Variants in LAMA5 observed in about 807,000 individuals in gnomAD.
LAMA5 encodes the protein laminin subunit alpha 5, also known as laminin subunit alpha-5.
In LAMA5, 260 loss-of-function variants were observed where a neutral mutation model predicts 433.4. The observed-to-expected ratio is 0.60, with a 90% CI of 0.54 to 0.66. LAMA5 has a LOEUF of 0.66. Ranked by LOEUF, LAMA5 falls within the 30% of genes least tolerant of loss-of-function variation. The pLI is 0.00. For synonymous variants in LAMA5, 2,620 were observed against 2,226.6 expected, an observed-to-expected ratio of 1.18 and a Z score of -4.97; for missense variants, 5,378 against 5,258.5, an observed-to-expected ratio of 1.02 and a Z score of -0.70.
At chr20:62,330,130 G>GAGGT (rs1980083469) in intron 31 of LAMA5, among the ~76,000 whole-genome samples, 1 of 152,244 alleles carries the variant, frequency 6.6e-6, no homozygotes, top group Non-Finnish European at 1.5e-5. Context: ...GACACCTCTA[G>GAGGT]GTACCGGTCA....
chr20:62,318,777 C>A (rs945970264), intron 52 of LAMA5, 66 bp downstream of exon 52: 4 of 1,584,266 alleles, frequency 2.5e-6, no homozygotes, highest in Non-Finnish European at 3.4e-6. Context: ...CCATGCTGAC[C>A]TCCCCCTTGG....
chr20:62,358,200 C>T (rs1004560254), intron 2 of LAMA5, among the ~76,000 whole-genome samples: 2 of 152,102 alleles, frequency 1.3e-5, no homozygotes, highest in Non-Finnish European at 2.9e-5. Flanking sequence ...GGGAGAGGAG[C>T]GGCCCCATCC....
In LAMA5 at chr20:62,316,141, G is replaced by A; in HGVS notation, c.7757-83C>T. The A allele has an allele frequency of 4.4e-6, 4 of 905,648 alleles. No individual in the cohort carries two copies. The Admixed American group carries it at 6.1e-5, about 14-fold the overall frequency. The allele number at this position is 905,648 out of a possible 1,614,324, so 56.1% of individuals were successfully genotyped here. A position where few individuals can be genotyped will look rare whatever the true frequency, so the allele number is the denominator to read the frequency against. On this transcript the variant is annotated intron_variant, in intron 57 of 79. Coordinates refer to ENST00000252999, the MANE Select transcript of LAMA5 (RefSeq NM_005560.6). ...CCCACCTCCACCCTTCTGACCCCAG[G>A]AGGACCAAGGCTGACACACAGCAGA... is the stretch of plus-strand genomic sequence containing the variant.
chr20:62,328,717 T>C (rs1979774903), intron 34 of LAMA5, 127 bp downstream of exon 34: 1 of 965,938 alleles, frequency 1.0e-6, no homozygotes, highest in Admixed American at 2.9e-5. Context: ...GGCCCGCAGA[T>C]GGGGCAGCAA....
intron 62 of LAMA5, 49 bp downstream of exon 62, chr20:62,314,255 C>A: frequency 6.3e-7 from 1 of 1,590,180 alleles, no homozygotes. Context: ...GGCGAACGGG[C>A]AAGGGCCCTG....
At chr20:62,361,772 G>A (rs1349838094) in intron 2 of LAMA5, among the ~76,000 whole-genome samples, 1 of 152,174 alleles carries the variant, frequency 6.6e-6, no homozygotes, top group African/African-American at 2.4e-5. Flanking sequence ...GGGCCAAGTC[G>A]CCCCCAATCT....
chr20:62,319,871 G>T, intron 50 of LAMA5, 76 bp from the exon 51 acceptor site: 2 of 1,169,838 alleles, frequency 1.7e-6, no homozygotes, highest in Non-Finnish European at 2.4e-6. Context: ...CTGGGGTCTG[G>T]GGGAGCGCCG....
In LAMA5 at chr20:62,333,386, C is replaced by T. The variant is rs1339337055; in HGVS notation, c.3117G>A (p.Gln1039=). The change falls in exon 25 of 80, where the codon CAG becomes CAA. Residue 1039 remains glutamine (Q), a synonymous_variant. Coordinates refer to ENST00000252999, the MANE Select transcript of LAMA5 (RefSeq NM_005560.6). ...CGCATGGCCCTCACTTGTCGCCAGA[C>T]TGCTGGGCAGAGGGACGGTATGTGC... ...EACTYRPSAQ[Q]SGDNCLLYTH... is the part of the protein sequence containing the mutation. 3 of 1,612,736 alleles carry T rather than the reference C, an allele frequency of 1.9e-6. No individual in the cohort carries two copies. Among genetic ancestry groups the T allele is most frequent in the Non-Finnish European group, 2.5e-6 (3 of 1,179,888 alleles).
intron 2 of LAMA5, among the ~76,000 whole-genome samples, chr20:62,358,771 C>T (rs748617681): frequency 1.1e-4 from 16 of 152,178 alleles, no homozygotes; most frequent in Middle Eastern, 3.2e-3. Context: ...CATAACCCCA[C>T]CTCAGTTTCC....
chr20:62,315,794 T>A (rs568535090), intron 58 of LAMA5, among the ~76,000 whole-genome samples, 154 bp downstream of exon 58: 2 of 152,298 alleles, frequency 1.3e-5, no homozygotes, highest in East Asian at 3.9e-4. Flanking sequence ...CCCTGGCACC[T>A]CCCTGGTAGG....
Position 62,366,957 on chromosome 20 carries a change from T to A in LAMA5, c.289A>T (p.Thr97Ser). The A allele has an allele frequency of 7.9e-7, 1 of 1,271,924 alleles. No homozygotes were observed. Among genetic ancestry groups the A allele is most frequent in the Non-Finnish European group, 9.9e-7 (1 of 1,010,270 alleles). The allele number at this position is 1,271,924 out of a possible 1,614,324, so 78.8% of individuals were successfully genotyped here. A position where few individuals can be genotyped will look rare whatever the true frequency, so the allele number is the denominator to read the frequency against. Residue 97 changes from threonine to serine, a missense_variant, in exon 1 of 80, where the codon ACC becomes TCC. Thr to Ser is a moderately conservative substitution (Grantham distance 58). Coordinates refer to ENST00000252999, the MANE Select transcript of LAMA5 (RefSeq NM_005560.6). The stretch of plus-strand genomic sequence containing the variant: ...CCCGCCCCTGCGCTCACCCGGATGG[T>A]CTGGTTGGGGTCGCCGCCGGCCACG... ...GPVAGGDPNQ[T>S]IRGQYCDICT...
At chr20:62,363,526 G>A (rs1235093199) in intron 1 of LAMA5, among the ~76,000 whole-genome samples, 2 of 152,150 alleles carry the variant, frequency 1.3e-5, no homozygotes, top group Non-Finnish European at 2.9e-5. Flanking sequence ...CAGGGGAGGG[G>A]TAGTGCTGGG....
chr20:62,324,347 G>C lies in LAMA5; in HGVS notation c.5643+94C>G. 7.0e-7 allele frequency: 1 copy of C among 1,430,152 alleles called. No individual in the cohort carries two copies. Among genetic ancestry groups the C allele is most frequent in the Non-Finnish European group, 9.6e-7 (1 of 1,036,708 alleles). The allele number at this position is 1,430,152 out of a possible 1,614,324, so 88.6% of individuals were successfully genotyped here. A position where few individuals can be genotyped will look rare whatever the true frequency, so the allele number is the denominator to read the frequency against. Reference sequence around the variant, plus strand: ...GGGCAACACCCTTCCCCAGACCTCAGTTGACCTGGAAGTGCAGCCCCTGGT... The same window carrying C: ...GGGCAACACCCTTCCCCAGACCTCACTTGACCTGGAAGTGCAGCCCCTGGT... On this transcript the variant is annotated intron_variant, in intron 42 of 79. Coordinates refer to ENST00000252999, the MANE Select transcript of LAMA5 (RefSeq NM_005560.6). The surrounding 1 kb of genome is among the most constrained non-coding windows in gnomAD (Gnocchi z 4.4).
rs753324164 is a variant in LAMA5, at chr20:62,336,463, T to C, written c.2218-18A>G. ...ACCTGTGCCTGGGAGAGGACAAGAC[T>C]GCAGGTCAGAGCGGGCGCCCTGCTC... On this transcript the variant is annotated intron_variant, in intron 17 of 79. Transcript: ENST00000252999. 18 of 1,601,384 alleles carry C rather than the reference T, an allele frequency of 1.1e-5. No homozygotes were observed. In the East Asian group the frequency reaches 1.6e-4, roughly 14 times the overall value.
Position 62,317,622 on chromosome 20 carries a change from C to T in LAMA5, c.7356+40G>A, listed in dbSNP as rs201828670. ...CCCACGGGCCTGGGAGGGAGTTGGC[C>T]GTGGATGGGGTGGCGACAGGGGCCA... On this transcript the variant is annotated intron_variant, in intron 54 of 79. Coordinates refer to ENST00000252999, the MANE Select transcript of LAMA5 (RefSeq NM_005560.6). 8.2e-4 allele frequency: 1,253 copies of T among 1,524,202 alleles called. 12 individuals carry two copies. Among genetic ancestry groups the T allele is most frequent in the Middle Eastern group, 7.9e-3 (43 of 5,434 alleles). The allele number at this position is 1,524,202 out of a possible 1,614,324, so 94.4% of individuals were successfully genotyped here.
At position 62,358,745 on chromosome 20, in the gene LAMA5, C is replaced by A. The variant is rs142649376; in HGVS notation, c.450+3655G>T. On this transcript the variant is annotated intron_variant, in intron 2 of 79. Coordinates refer to ENST00000252999, the MANE Select transcript of LAMA5 (RefSeq NM_005560.6). The stretch of plus-strand genomic sequence containing the variant: ...GCACTGGGACCTTGGGCACTCCACA[C>A]TGGCCCTGACCCTCTCATAACCCCA... 3.0e-4 allele frequency among the ~76,000 whole-genome samples: 46 copies of A among 152,312 alleles called. No homozygotes were observed. In the East Asian group the frequency reaches 8.3e-3, roughly 27 times the overall value.
At chr20:62,332,843 C>A in intron 26 of LAMA5, 126 bp from the exon 27 acceptor site, 1 of 1,214,676 alleles carries the variant, frequency 8.2e-7, no homozygotes, top group Non-Finnish European at 1.1e-6. Context: ...CTGGCCCGGA[C>A]ATCTCCAGGC....
Position 62,313,013 on chromosome 20 carries a change from G to T in LAMA5, c.8956-3C>A. ...ACGGCCAAGCACAGGAACTGGCTCT[G>T]CAGAAACAGGGCAGGGTTAGTGTGG... is the stretch of plus-strand genomic sequence containing the variant. On this transcript the variant is annotated splice_region_variant and splice_polypyrimidine_tract_variant and intron_variant, in intron 65 of 79. Transcript: ENST00000252999. The T allele has an allele frequency of 6.3e-7, 1 of 1,583,828 alleles. No homozygotes were observed.
chr20:62,321,752 G>GGGTGGGGTC (rs1987833122), intron 48 of LAMA5, among the ~76,000 whole-genome samples: 1 of 143,910 alleles, frequency 6.9e-6, no homozygotes, highest in Admixed American at 6.9e-5. Context: ...GCCAGTGGAG[G>GGGTGGGGTC]GGTGGGGTCA....
Sources: allele counts gnomAD v4.1 joint callset (sites outside exome capture counted in the v4.1 genomes callset), GRCh38; gene constraint gnomAD v4.1.1; non-coding constraint Gnocchi (gnomAD v3.1); transcripts MANE v1.5; gene names NCBI Gene and HGNC (gene_info 2026-07-23, HGNC 2026-07-21).